The following SCNN1B variants were observed in gnomAD, a reference collection of about 807,000 sequenced individuals.
SCNN1B encodes sodium channel epithelial 1 subunit beta.
SCNN1B carries 46 observed loss-of-function variants against 65.3 expected under a neutral mutation model. The observed-to-expected ratio is 0.70, with a 90% CI of 0.56 to 0.90. The LOEUF (loss-of-function observed/expected upper bound fraction) is 0.90. Among genes scored for constraint, SCNN1B ranks in the 40% least tolerant of loss-of-function variants. The pLI is 0.00. For missense variants in SCNN1B, 751 were observed against 830.5 expected (o/e 0.90, Z 1.18); for synonymous variants, 349 against 330.6 (o/e 1.06, Z -0.60).
chr16:23,355,608 G>A, intron 4 of SCNN1B, 119 bp downstream of exon 4: 1 of 998,316 alleles, frequency 1.0e-6, no homozygotes, highest in Non-Finnish European at 1.5e-6. Context: ...CCGGCTATCT[G>A]CAGCACAGTT....
intron 1 of SCNN1B, chr16:23,323,591 C>T (rs1157612358): frequency 1.4e-6 from 1 of 702,910 alleles, no homozygotes. Flanking sequence ...GAGTAAATTC[C>T]ACAAGGTCAC....
intron 2 of SCNN1B, among the ~76,000 whole-genome samples, chr16:23,294,886 G>A (rs1045832656): frequency 2.0e-5 from 3 of 151,832 alleles, no homozygotes; most frequent in Admixed American, 6.6e-5. Flanking sequence ...CCAGCTACTC[G>A]GGAGGCTGAG....
chr16:23,289,673 C>CTTT (rs11369014), intron 2 of SCNN1B, among the ~76,000 whole-genome samples: 32 of 124,110 alleles, frequency 2.6e-4, no homozygotes, highest in Admixed American at 6.9e-4. Context: ...CAATATTTAA[C>CTTT]TTTTTTTTTT....
intron 1 of SCNN1B, among the ~76,000 whole-genome samples, chr16:23,305,483 A>G (rs1360097189): frequency 7.6e-6 from 1 of 131,112 alleles, no homozygotes; most frequent in Non-Finnish European, 1.6e-5. Flanking sequence ...TTAGGAGATC[A>G]ATATCAGTCT....
At chr16:23,279,223 G>C (rs1274284544) in intron 1 of SCNN1B, among the ~76,000 whole-genome samples, 1 of 152,120 alleles carries the variant, frequency 6.6e-6, no homozygotes, top group Non-Finnish European at 1.5e-5. Flanking sequence ...ATAATTACAG[G>C]TGCCCACCAC....
At chr16:23,313,477 C>G (rs1479738875) in intron 1 of SCNN1B, among the ~76,000 whole-genome samples, 2 of 152,182 alleles carry the variant, frequency 1.3e-5, no homozygotes, top group Non-Finnish European at 2.9e-5. Context: ...TTTTGTTTGC[C>G]TTACGTACAA....
chr16:23,343,645 A>AGAC, intron 1 of SCNN1B, among the ~76,000 whole-genome samples: 1 of 130,364 alleles, frequency 7.7e-6, no homozygotes, highest in African/African-American at 3.1e-5. Flanking sequence ...GAAAGAAAGA[A>AGAC]AGAAAAAAAG....
At chr16:23,358,488 G>A (rs978503361) in intron 4 of SCNN1B, 3 of 152,166 alleles carry the variant, frequency 2.0e-5, no homozygotes, top group African/African-American at 7.2e-5. Context: ...AAATAGGGGA[G>A]AGAACAATAC....
In SCNN1B at chr16:23,334,392, A is replaced by AAAAAG. The variant is rs1373052281; in HGVS notation, c.-8-14200_-8-14199insAAAAG. 3.3e-5 allele frequency among the ~76,000 whole-genome samples: 5 copies of AAAAAG among 152,172 alleles called. No homozygotes were observed. The East Asian group carries it at 9.6e-4, about 29-fold the overall frequency. The stretch of plus-strand genomic sequence containing the variant: ...TCCAGCCTTTTTCGAGTCATGGACT[A>AAAAAG]TATACATGCATACTGTATGCACAGG... On this transcript the variant is annotated intron_variant, in intron 1 of 12. Transcript: ENST00000343070.
intron 1 of SCNN1B, among the ~76,000 whole-genome samples, 157 bp downstream of exon 1, chr16:23,302,594 ACC>A (rs1961108156): frequency 6.6e-6 from 1 of 151,382 alleles, no homozygotes; most frequent in South Asian, 2.1e-4. Flanking sequence ...GGCGCCTGGG[ACC>A]CGGCCTGGGG....
At chr16:23,355,096 T>C (rs753379829) in intron 3 of SCNN1B, among the ~76,000 whole-genome samples, 1 of 152,118 alleles carries the variant, frequency 6.6e-6, no homozygotes, top group Non-Finnish European at 1.5e-5. Flanking sequence ...TGAGGGGATC[T>C]TGTGGTCAGC....
chr16:23,293,896 C>T (rs1414651940), intron 2 of SCNN1B, among the ~76,000 whole-genome samples: 4 of 152,052 alleles, frequency 2.6e-5, no homozygotes, highest in African/African-American at 4.8e-5. Context: ...TGTACTCTAG[C>T]TTGGGCAACA....
intron 1 of SCNN1B, among the ~76,000 whole-genome samples, chr16:23,314,123 G>A (rs903853107): frequency 2.0e-5 from 3 of 152,060 alleles, no homozygotes; most frequent in Non-Finnish European, 2.9e-5. Context: ...AGGCTGAAGC[G>A]ATCCTCCCAC....
intron 2 of SCNN1B, among the ~76,000 whole-genome samples, chr16:23,284,140 C>T (rs1294570257): frequency 2.0e-5 from 3 of 152,120 alleles, no homozygotes; most frequent in East Asian, 1.9e-4. Flanking sequence ...TGCAGTGGCT[C>T]GCACCTGTAA....
At chr16:23,288,545 G>A (rs1452679533) in intron 2 of SCNN1B, among the ~76,000 whole-genome samples, 1 of 152,172 alleles carries the variant, frequency 6.6e-6, no homozygotes. Flanking sequence ...GCTCACACCT[G>A]TAAATCTCAG....
In SCNN1B at chr16:23,380,148, T is replaced by G. The variant is rs201369710; in HGVS notation, c.1521T>G (p.Ile507Met). 61 of 1,613,972 alleles carry G rather than the reference T, an allele frequency of 3.8e-5. No homozygotes were observed. The highest frequency in any genetic ancestry group is 2.2e-5 in the East Asian group (1 of 44,882). ...TCCAAGAATTTAACTATCGCACCAT[T>G]GAAGAATCAGCAGCCAATAACGTGA... is the stretch of plus-strand genomic sequence containing the variant. ...IYFQEFNYRTIEESAANNIVW... is the reference protein window; with the variant it reads ...IYFQEFNYRTMEESAANNIVW... The change falls in exon 12 of 13, where the codon ATT becomes ATG. Residue 507 changes from isoleucine (I) to methionine (M), a missense_variant. Ile to Met is a conservative substitution (Grantham distance 10). Coordinates refer to ENST00000343070, the MANE Select transcript of SCNN1B (RefSeq NM_000336.3). This position sits in a 1 kb window ranked among gnomAD's most constrained non-coding sequence, Gnocchi z 5.4.
chr16:23,369,510 A>G (rs1375780750), intron 5 of SCNN1B, among the ~76,000 whole-genome samples: 4 of 152,038 alleles, frequency 2.6e-5, no homozygotes. Flanking sequence ...ACTGACCCCT[A>G]GAGAGGGGCT....
At chr16:23,343,738 A>G (rs1463701577) in intron 1 of SCNN1B, among the ~76,000 whole-genome samples, 1 of 152,100 alleles carries the variant, frequency 6.6e-6, no homozygotes, top group Non-Finnish European at 1.5e-5. Flanking sequence ...AACATTTACC[A>G]TGAGTTCAGG....
chr16:23,366,812 C>T (rs1162724211), intron 4 of SCNN1B, among the ~76,000 whole-genome samples: 1 of 152,174 alleles, frequency 6.6e-6, no homozygotes, highest in Admixed American at 6.5e-5. Context: ...GCATAAGCCA[C>T]CGCTCCCAAC....
Sources: allele counts gnomAD v4.1 joint callset (sites outside exome capture counted in the v4.1 genomes callset), GRCh38; gene constraint gnomAD v4.1.1; non-coding constraint Gnocchi (gnomAD v3.1); transcripts MANE v1.5; gene names NCBI Gene and HGNC (gene_info 2026-07-23, HGNC 2026-07-21).